CLDN14: variants seen among roughly 807,000 people sequenced by gnomAD.
CLDN14 encodes claudin-14.
A neutral mutation model predicts 2.1 loss-of-function variants in CLDN14; 2 were observed. That is an observed-to-expected ratio of 0.96 (90% CI 0.39 to 3.01). The LOEUF (loss-of-function observed/expected upper bound fraction) is 3.01, where lower values mean the gene tolerates loss of function less well. CLDN14 is among the 30% of genes most tolerant of loss of function. The pLI is 0.09. For missense variants in CLDN14, 298 were observed against 328.0 expected (o/e 0.91, Z 0.71); for synonymous variants, 136 against 154.4 (o/e 0.88, Z 0.88).
At chr21:36,475,316 G>A (rs1027144266) in intron 1 of CLDN14, among the ~76,000 whole-genome samples, 10 of 152,228 alleles carry the variant, frequency 6.6e-5, no homozygotes, top group Non-Finnish European at 1.2e-4. Flanking sequence ...CTGGGATGGA[G>A]GGACATTGAG....
chr21:36,540,785 G>T (rs908434886), intron 1 of CLDN14, among the ~76,000 whole-genome samples: 1 of 152,204 alleles, frequency 6.6e-6, no homozygotes, highest in African/African-American at 2.4e-5. Context: ...TAAATAGTTA[G>T]ATGTTTATTC....
rs547274024 is a variant in CLDN14 at position 36,559,353 on chromosome 21, C to T, written c.-220+17058G>A. ...CTGGGATTATAGGCACCCGCCACCACGCCCAGCTAATTTTTGTATTTTTAG... is the reference window on the plus strand; with the variant it reads ...CTGGGATTATAGGCACCCGCCACCATGCCCAGCTAATTTTTGTATTTTTAG... On this transcript the variant is annotated intron_variant, in intron 1 of 2. Transcript: ENST00000342108. Among the ~76,000 whole-genome samples the T allele has an allele frequency of 1.3e-3, 202 of 152,246 alleles. 2 individuals are homozygous for T. Among genetic ancestry groups the T allele is most frequent in the Admixed American group, 4.3e-3 (66 of 15,302 alleles).
chr21:36,547,672 G>T (rs552103890), intron 1 of CLDN14, among the ~76,000 whole-genome samples: 138 of 152,266 alleles, frequency 9.1e-4, no homozygotes, highest in African/African-American at 3.1e-3. Flanking sequence ...CAGGAAGCAG[G>T]TCTCCCAGGG....
At chr21:36,563,881 C>T (rs1299338621) in intron 1 of CLDN14, among the ~76,000 whole-genome samples, 2 of 152,150 alleles carry the variant, frequency 1.3e-5, no homozygotes, top group African/African-American at 2.4e-5. Context: ...CTCCCCCAGG[C>T]GCCATTACGC....
At chr21:36,475,044 G>A (rs137956834) in intron 1 of CLDN14, among the ~76,000 whole-genome samples, 1 of 152,280 alleles carries the variant, frequency 6.6e-6, no homozygotes, top group African/African-American at 2.4e-5. Flanking sequence ...GAGAATGACC[G>A]CAGGCCTGGA....
At position 36,517,847 on chromosome 21, in the gene CLDN14, C is replaced by T. The variant is rs147027778; in HGVS notation, c.-219-7347G>A. Among the ~76,000 whole-genome samples the T allele has an allele frequency of 6.4e-3, 979 of 152,218 alleles. 7 individuals carry two copies. Among genetic ancestry groups the T allele is most frequent in the Middle Eastern group, 0.041 (12 of 294 alleles). ...AGCCAAGTTGAAGTAAAGCAGATGG[C>T]GCTCCCTAATGTGGGTGGGGCTCAC... On this transcript the variant is annotated intron_variant, in intron 1 of 2. Coordinates refer to the CLDN14 transcript ENST00000342108.
chr21:36,560,221 AG>A (rs1235331054), intron 1 of CLDN14, among the ~76,000 whole-genome samples: 1 of 81,850 alleles, frequency 1.2e-5, no homozygotes, highest in African/African-American at 3.1e-5. Flanking sequence ...GTTTGTTGAG[AG>A]GTTTTTTTTT....
chr21:36,539,584 G>A (rs1370386465), intron 1 of CLDN14, among the ~76,000 whole-genome samples: 1 of 144,344 alleles, frequency 6.9e-6, no homozygotes, highest in African/African-American at 2.6e-5. Flanking sequence ...AGTTTGTGTG[G>A]AGTGAGTGTG....
intron 1 of CLDN14, among the ~76,000 whole-genome samples, chr21:36,545,491 G>A (rs190746131): frequency 3.7e-4 from 56 of 152,272 alleles, no homozygotes; most frequent in African/African-American, 1.3e-3. Context: ...CCTTCAATAA[G>A]TCATGGGATG....
chr21:36,496,220 G>T (rs1305672032), intron 2 of CLDN14, among the ~76,000 whole-genome samples: 2 of 152,004 alleles, frequency 1.3e-5, no homozygotes, highest in Admixed American at 6.6e-5. Flanking sequence ...AGGATCATTG[G>T]AGTCCAGGAG....
chr21:36,556,067 G>A (rs968490472), intron 1 of CLDN14, among the ~76,000 whole-genome samples: 42 of 152,092 alleles, frequency 2.8e-4, no homozygotes, highest in Non-Finnish European at 4.1e-4. Context: ...CAAGCTATTG[G>A]TGGTCGGTGA....
chr21:36,464,173 C>T (rs1166736878), intron 1 of CLDN14, among the ~76,000 whole-genome samples: 3 of 152,094 alleles, frequency 2.0e-5, no homozygotes, highest in Non-Finnish European at 4.4e-5. Context: ...GCCTGCTCCC[C>T]TCTCTCTCTT....
At chr21:36,510,743 T>C (rs1487990758) in intron 1 of CLDN14, among the ~76,000 whole-genome samples, 3 of 152,232 alleles carry the variant, frequency 2.0e-5, no homozygotes, top group African/African-American at 7.2e-5. Flanking sequence ...GCTGTGAAGG[T>C]TTCATCTTTC....
In CLDN14 at chr21:36,558,168, C is replaced by A. The variant is rs571197864; in HGVS notation, c.-220+18243G>T. Among the ~76,000 whole-genome samples the A allele has an allele frequency of 5.3e-5, 8 of 152,228 alleles. No homozygotes were observed. The East Asian group carries it at 1.5e-3, about 29-fold the overall frequency. On this transcript the variant is annotated intron_variant, in intron 1 of 2. Transcript: ENST00000342108. ...CTATATGTCTGCCTTTATGCCAGCA[C>A]CATACTGTTTTATTTACTGTAGATT...
intron 1 of CLDN14, among the ~76,000 whole-genome samples, chr21:36,532,744 G>A (rs918980508): frequency 9.2e-5 from 14 of 152,118 alleles, no homozygotes; most frequent in African/African-American, 2.9e-4. Flanking sequence ...AATGCGGGGA[G>A]AAAGAAAAAT....
intron 1 of CLDN14, among the ~76,000 whole-genome samples, chr21:36,543,858 A>T (rs751125158): frequency 4.1e-4 from 63 of 152,254 alleles, no homozygotes; most frequent in Non-Finnish European, 6.6e-4. Flanking sequence ...ACACGTAAAC[A>T]GCCACCCCCA....
At chr21:36,529,949 G>A (rs2087366150) in intron 1 of CLDN14, among the ~76,000 whole-genome samples, 1 of 152,152 alleles carries the variant, frequency 6.6e-6, no homozygotes, top group South Asian at 2.1e-4. Flanking sequence ...CCTGCTCATC[G>A]ACCCCGAATA....
At chr21:36,527,929 G>A (rs2087347298) in intron 1 of CLDN14, among the ~76,000 whole-genome samples, 1 of 152,090 alleles carries the variant, frequency 6.6e-6, no homozygotes, top group South Asian at 2.1e-4. Context: ...CTTCCCAAAA[G>A]CACCCATTTT....
intron 1 of CLDN14, among the ~76,000 whole-genome samples, chr21:36,465,281 G>A (rs1024419339): frequency 2.0e-5 from 3 of 152,208 alleles, no homozygotes; most frequent in African/African-American, 7.2e-5. Context: ...CCTAAAGAAT[G>A]TGGCATAAAA....
Sources: allele counts gnomAD v4.1 joint callset (sites outside exome capture counted in the v4.1 genomes callset), GRCh38; gene constraint gnomAD v4.1.1; transcripts MANE v1.5; gene names NCBI Gene and HGNC (gene_info 2026-07-23, HGNC 2026-07-21).